The following MSL1 variants were observed in gnomAD, a reference collection of about 807,000 sequenced individuals.
MSL1 encodes the protein male-specific lethal 1 homolog.
MSL1 carries 21 observed loss-of-function variants against 64.6 expected under a neutral mutation model. That is an observed-to-expected ratio of 0.33 (90% CI 0.23 to 0.47). MSL1 has a LOEUF of 0.47. Among genes scored for constraint, MSL1 ranks in the 20% least tolerant of loss-of-function variants. The pLI, the probability that MSL1 is intolerant of heterozygous loss-of-function variation, is 1.00. For synonymous variants in MSL1, 339 were observed against 329.6 expected (o/e 1.03, Z -0.31); for missense variants, 664 against 793.2 (o/e 0.84, Z 1.96).
chr17:40,126,233 G>A lies in MSL1; in HGVS notation c.819G>A (p.Lys273=). The change falls in exon 2 of 9, where the codon AAG becomes AAA. Residue 273 remains lysine, a synonymous_variant. Transcript: ENST00000398532. ...RMERRMQLVK[K]DNEKERHKLF... ...AAAGGCGGATGCAGCTGGTAAAGAA[G>A]GATAACGAGAAAGAAAGGCACAAGC... 1 of 1,614,012 alleles carries A rather than the reference G, an allele frequency of 6.2e-7. No individual in the cohort carries two copies.
rs773100292 is a variant in MSL1, at chr17:40,129,495, G to T, written c.1243G>T (p.Ala415Ser). The T allele has an allele frequency of 2.4e-5, 39 of 1,613,716 alleles. No individual in the cohort carries two copies. Among genetic ancestry groups the T allele is most frequent in the Non-Finnish European group, 2.5e-5 (29 of 1,179,878 alleles). ...KGPSTHPKEK[A>S]FSSEIEDLPY... ...ACCCAGCACCCATCCCAAGGAGAAA[G>T]CCTTCTCAAGTGAGATAGAAGATTT... Residue 415 changes from alanine to serine, a missense_variant, in exon 3 of 9, where the codon GCC becomes TCC. Physicochemically the swap from Ala to Ser is moderately conservative, Grantham distance 99. Transcript: ENST00000398532.
In MSL1 at chr17:40,122,997, C is replaced by T; in HGVS notation, c.385C>T (p.Pro129Ser). 6.5e-7 allele frequency: 1 copy of T among 1,529,716 alleles called. No homozygotes were observed. The highest frequency in any genetic ancestry group is 8.7e-7 in the Non-Finnish European group (1 of 1,144,730). 94.8% of individuals were successfully genotyped at this position (1,529,716 alleles called of 1,614,324 possible). A position where few individuals can be genotyped will look rare whatever the true frequency, so the allele number is the denominator to read the frequency against. ...AGCCGGAGCCGGCTGCAGCCCCCGG[C>T]CCAAGTATCAGGCGGTGCTGCCCAT... ...AAAGAGCSPR[P>S]KYQAVLPIQT... is the part of the protein sequence containing the mutation. Residue 129 changes from proline (P) to serine (S), a missense_variant, in exon 1 of 9, where the codon CCC (proline) becomes TCC (serine). Coordinates refer to ENST00000398532, the MANE Select transcript of MSL1 (RefSeq NM_001365919.1). The surrounding 1 kb of genome is among the most constrained non-coding windows in gnomAD (Gnocchi z 4.2).
Position 40,134,488 on chromosome 17 carries a change from T to C in MSL1, c.*119T>C. ...GTTATCACTCGCTGATAATACCCTT[T>C]CATACTTCCTTGACTTTGTTTTCAT... is the stretch of plus-strand genomic sequence containing the variant. On this transcript the variant is annotated 3_prime_UTR_variant, in exon 9 of 9. Coordinates refer to ENST00000398532, the MANE Select transcript of MSL1 (RefSeq NM_001365919.1). The C allele has an allele frequency of 1.3e-6, 1 of 775,610 alleles. No individual in the cohort carries two copies. Among genetic ancestry groups the C allele is most frequent in the Non-Finnish European group, 2.1e-6 (1 of 470,066 alleles). The allele number at this position is 775,610 out of a possible 1,614,324, so 48.0% of individuals were successfully genotyped here. A position where few individuals can be genotyped will look rare whatever the true frequency, so the allele number is the denominator to read the frequency against.
At position 40,122,873 on chromosome 17, in the gene MSL1, G is replaced by T; in HGVS notation, c.261G>T (p.Ala87=). The change falls in exon 1 of 9, where the codon GCG becomes GCT. Residue 87 remains alanine (A), a synonymous_variant. Coordinates refer to ENST00000398532, the MANE Select transcript of MSL1 (RefSeq NM_001365919.1). This position sits in a 1 kb window ranked among gnomAD's most constrained non-coding sequence, Gnocchi z 4.2. The part of the protein sequence containing the change: ...KGRGLLLPAG[A]APGQQEESWG... ...GGGGCTTGTTACTCCCGGCCGGGGCGGCCCCCGGGCAGCAGGAAGAGAGCT... is the reference window on the plus strand; with the variant it reads ...GGGGCTTGTTACTCCCGGCCGGGGCTGCCCCCGGGCAGCAGGAAGAGAGCT... 7.2e-7 allele frequency: 1 copy of T among 1,396,036 alleles called. No homozygotes were observed. The highest frequency in any genetic ancestry group is 9.2e-7 in the Non-Finnish European group (1 of 1,084,742). 86.5% of individuals were successfully genotyped at this position (1,396,036 alleles called of 1,614,324 possible). A position where few individuals can be genotyped will look rare whatever the true frequency, so the allele number is the denominator to read the frequency against.
At chr17:40,129,185 C>A (rs1988387779) in intron 2 of MSL1, 60 bp from the exon 3 acceptor site, 3 of 1,381,542 alleles carry the variant, frequency 2.2e-6, no homozygotes, top group Non-Finnish European at 2.9e-6. Context: ...AGAATGTGTT[C>A]AAATTAGATT....
rs920786436 is a variant in MSL1, at chr17:40,135,893, G to C, written c.*1524G>C. ...TGGGTTTTCATTTGTAACTCCATCT[G>C]CTTAGGAGAGTGGGCTCTCTATAAG... is the stretch of plus-strand genomic sequence containing the variant. On this transcript the variant is annotated 3_prime_UTR_variant, in exon 9 of 9. Transcript: ENST00000398532. 3.3e-5 allele frequency: 5 copies of C among 152,102 alleles called. No homozygotes were observed. The highest frequency in any genetic ancestry group is 4.8e-5 in the African/African-American group (2 of 41,342). 9.4% of individuals were successfully genotyped at this position (152,102 alleles called of 1,614,324 possible).
chr17:40,126,174 C>T lies in MSL1; in HGVS notation c.769-9C>T, dbSNP rs760183463. The T allele has an allele frequency of 2.2e-5, 35 of 1,613,356 alleles. No homozygotes were observed. Among genetic ancestry groups the T allele is most frequent in the Non-Finnish European group, 2.7e-5 (32 of 1,179,428 alleles). The stretch of plus-strand genomic sequence containing the variant: ...TGTTAAGTCTGCATTTTGCTACTCT[C>T]TCTTTTAGCTCCTTGCTCGGATTGA... On this transcript the variant is annotated splice_polypyrimidine_tract_variant and intron_variant, in intron 1 of 8. Coordinates refer to ENST00000398532, the MANE Select transcript of MSL1 (RefSeq NM_001365919.1).
chr17:40,123,957 C>T (rs1357035601), intron 1 of MSL1, among the ~76,000 whole-genome samples: 1 of 152,058 alleles, frequency 6.6e-6, no homozygotes, highest in African/African-American at 2.4e-5. Flanking sequence ...TTAATAGGAA[C>T]CTGAGTTCTA....
intron 1 of MSL1, among the ~76,000 whole-genome samples, chr17:40,123,607 A>C (rs966229088): frequency 6.6e-6 from 1 of 152,090 alleles, no homozygotes; most frequent in Non-Finnish European, 1.5e-5. Context: ...GAGGGGTTTC[A>C]GGTGCCAAAG....
chr17:40,126,350 C>T lies in MSL1; in HGVS notation c.936C>T (p.Ser312=), dbSNP rs752478809. The T allele has an allele frequency of 6.2e-6, 10 of 1,613,786 alleles. No homozygotes were observed. The highest frequency in any genetic ancestry group is 1.3e-5 in the African/African-American group (1 of 74,858). ...LECQPELSET[S]QTLPPKPFSC... is the part of the protein sequence containing the mutation. ...GCCAGCCGGAGCTTTCCGAGACATC[C>T]CAGACTCTGCCTCCCAAGCCCTTCT... Residue 312 remains serine, a synonymous_variant, in exon 2 of 9, where the codon TCC becomes TCT. Transcript: ENST00000398532.
chr17:40,136,751 TAA>T lies in MSL1; in HGVS notation c.*2384_*2385del, dbSNP rs989825044. ...AATTGGTTGTCTTGTAAATATCTTA[TAA>T]AGAGTTCAATTGTAAATAAACTATT... On this transcript the variant is annotated 3_prime_UTR_variant, in exon 9 of 9. Coordinates refer to ENST00000398532, the MANE Select transcript of MSL1 (RefSeq NM_001365919.1). The T allele has an allele frequency of 5.3e-5, 8 of 152,368 alleles. No individual in the cohort carries two copies. Among genetic ancestry groups the T allele is most frequent in the African/African-American group, 1.9e-4 (8 of 41,454 alleles). The allele number at this position is 152,368 out of a possible 1,614,324, so 9.4% of individuals were successfully genotyped here.
chr17:40,132,568 G>C (rs1239203245), intron 5 of MSL1, among the ~76,000 whole-genome samples: 1 of 152,114 alleles, frequency 6.6e-6, no homozygotes, highest in Non-Finnish European at 1.5e-5. Context: ...GAACCCAGGA[G>C]GCAGAGGTTG....
At chr17:40,126,119 G>A in intron 1 of MSL1, 64 bp from the exon 2 acceptor site, 1 of 1,438,302 alleles carries the variant, frequency 7.0e-7, no homozygotes, top group Non-Finnish European at 9.7e-7. Context: ...CCTAAATGGG[G>A]CTAAGTATCT....
rs1230181292 is a variant in MSL1 at position 40,134,386 on chromosome 17, CCT to C, written c.*18_*19del. 6.5e-7 allele frequency: 1 copy of C among 1,549,298 alleles called. No individual in the cohort carries two copies. Among genetic ancestry groups the C allele is most frequent in the Non-Finnish European group, 8.7e-7 (1 of 1,144,594 alleles). ...AGGAAATAGCTGTGCTGGCAAGAACCCTGTCTTCAGATAGTTGTAGCATGCCA... is the reference window on the plus strand; with the variant it reads ...AGGAAATAGCTGTGCTGGCAAGAACCGTCTTCAGATAGTTGTAGCATGCCA... On this transcript the variant is annotated 3_prime_UTR_variant, in exon 9 of 9. Transcript: ENST00000398532.
Position 40,131,692 on chromosome 17 carries a change from T to G in MSL1, c.1423+108T>G, listed in dbSNP as rs1362046316. Reference sequence around the variant, plus strand: ...CCACTGGATGTGGGAGACTGAGATTTCTTGGTGTATGATTGATTACACTAC... The same window carrying G: ...CCACTGGATGTGGGAGACTGAGATTGCTTGGTGTATGATTGATTACACTAC... On this transcript the variant is annotated intron_variant, in intron 4 of 8. Transcript: ENST00000398532. The surrounding 1 kb of genome is among the most constrained non-coding windows in gnomAD (Gnocchi z 4.5). 1.2e-5 allele frequency: 12 copies of G among 1,022,570 alleles called. No individual in the cohort carries two copies. Among genetic ancestry groups the G allele is most frequent in the Non-Finnish European group, 1.9e-5 (12 of 643,770 alleles). The allele number at this position is 1,022,570 out of a possible 1,614,324, so 63.3% of individuals were successfully genotyped here.
rs1258441747 is a variant in MSL1 at position 40,122,920 on chromosome 17, C to T, written c.308C>T (p.Pro103Leu). ...AGCTGGGGCGGTTCGGTGCCCTTGC[C>T]CTGTCCGCCCCCGGCCACCAAGCAA... ...EESWGGSVPLPCPPPATKQAG... is the reference protein window; with the variant it reads ...EESWGGSVPLLCPPPATKQAG... Residue 103 changes from proline (P) to leucine (L), a missense_variant, in exon 1 of 9, where the codon CCC becomes CTC. Physicochemically the swap from Pro to Leu is moderately conservative, Grantham distance 98 (BLOSUM62 -3). Coordinates refer to ENST00000398532, the MANE Select transcript of MSL1 (RefSeq NM_001365919.1). The surrounding 1 kb of genome is among the most constrained non-coding windows in gnomAD (Gnocchi z 4.2). 6 of 1,514,410 alleles carry T rather than the reference C, an allele frequency of 4.0e-6. No homozygotes were observed. The African/African-American group carries it at 5.7e-5, about 14-fold the overall frequency. The allele number at this position is 1,514,410 out of a possible 1,614,324, so 93.8% of individuals were successfully genotyped here. A position where few individuals can be genotyped will look rare whatever the true frequency, so the allele number is the denominator to read the frequency against.
chr17:40,132,007 T>A, intron 4 of MSL1, 27 bp from the exon 5 acceptor site: 10 of 1,551,616 alleles, frequency 6.4e-6, no homozygotes, highest in Non-Finnish European at 8.7e-6. Context: ...CCCTCCTCCC[T>A]TTCTTTTTCT....
At position 40,127,530 on chromosome 17, in the gene MSL1, G is replaced by A. The variant is rs80299777; in HGVS notation, c.992+1124G>A. On this transcript the variant is annotated intron_variant, in intron 2 of 8. Coordinates refer to ENST00000398532, the MANE Select transcript of MSL1 (RefSeq NM_001365919.1). ...GGGTCTCTCTCTGTCACCCAGGCTG[G>A]GGTGCAAGTGTCGCCAACATGGCTC... 2.0e-5 allele frequency among the ~76,000 whole-genome samples: 3 copies of A among 152,202 alleles called. No individual in the cohort carries two copies. The East Asian group carries it at 5.8e-4, about 29-fold the overall frequency.
chr17:40,125,853 G>A (rs1178213858), intron 1 of MSL1, among the ~76,000 whole-genome samples: 1 of 152,184 alleles, frequency 6.6e-6, no homozygotes, highest in Non-Finnish European at 1.5e-5. Flanking sequence ...CCAACTTGGA[G>A]CCACACAGGT....
Sources: gnomAD v4.1 joint callset for allele counts (sites outside exome capture counted in the v4.1 genomes callset) on GRCh38, gnomAD v4.1.1 for gene constraint, Gnocchi (gnomAD v3.1) non-coding constraint, MANE v1.5 for transcripts, NCBI Gene and HGNC (gene_info 2026-07-23, HGNC 2026-07-21) for gene names.